The following UNC5C variants were observed in gnomAD, a reference collection of about 807,000 sequenced individuals.
UNC5C encodes netrin receptor UNC5C.
Under a neutral mutation model 99.8 loss-of-function variants are expected in UNC5C, and 47 were observed. The ratio of observed to expected loss-of-function variants is 0.47; its 90% CI spans 0.37 to 0.60. UNC5C has a LOEUF of 0.60. Among genes scored for constraint, UNC5C ranks in the 20% least tolerant of loss-of-function variants. The pLI is 0.00. For missense variants in UNC5C, 1,062 were observed against 1,165.9 expected (o/e 0.91, Z 1.30); for synonymous variants, 487 against 452.2 (o/e 1.08, Z -0.98).
At chr4:95,384,897 G>A (rs1025669979) in intron 1 of UNC5C, among the ~76,000 whole-genome samples, 3 of 152,128 alleles carry the variant, frequency 2.0e-5, no homozygotes, top group African/African-American at 7.2e-5. Context: ...TACTAGAGGG[G>A]AGGGACAAGT....
At chr4:95,357,958 T>C (rs1744267768) in intron 1 of UNC5C, among the ~76,000 whole-genome samples, 1 of 152,170 alleles carries the variant, frequency 6.6e-6, no homozygotes, top group African/African-American at 2.4e-5. Context: ...GTGTCTTGAC[T>C]ACTGCTTTTT....
intron 1 of UNC5C, among the ~76,000 whole-genome samples, chr4:95,368,543 T>C (rs942386929): frequency 2.6e-5 from 4 of 152,136 alleles, no homozygotes; most frequent in Non-Finnish European, 5.9e-5. Context: ...CATTAAACCC[T>C]GTGACTTTTT....
intron 1 of UNC5C, among the ~76,000 whole-genome samples, chr4:95,440,002 T>G (rs3912477): frequency 6.6e-6 from 1 of 152,244 alleles, no homozygotes; most frequent in East Asian, 1.9e-4. Flanking sequence ...TTTTCCCTTA[T>G]GCACTAGGAG....
At chr4:95,506,138 A>G (rs1416249507) in intron 1 of UNC5C, among the ~76,000 whole-genome samples, 1 of 152,032 alleles carries the variant, frequency 6.6e-6, no homozygotes, top group African/African-American at 2.4e-5. Context: ...AGGTGGGGCC[A>G]TTTATTTTTA....
chr4:95,168,443 A>T lies in UNC5C; in HGVS notation c.*791T>A, dbSNP rs1299694724. The stretch of plus-strand genomic sequence containing the variant: ...CCTGTAAATAATAATAATACCTTTA[A>T]AAAAAAACACTTCATATTGCATATT... On this transcript the variant is annotated 3_prime_UTR_variant, in exon 16 of 16. Coordinates refer to ENST00000453304, the MANE Select transcript of UNC5C (RefSeq NM_003728.4). 1 of 150,372 alleles carries T rather than the reference A, an allele frequency of 6.7e-6. No homozygotes were observed. Among genetic ancestry groups the T allele is most frequent in the African/African-American group, 2.5e-5 (1 of 40,186 alleles). The allele number at this position is 150,372 out of a possible 1,614,324, so 9.3% of individuals were successfully genotyped here.
At chr4:95,204,990 G>A (rs1388897890) in intron 11 of UNC5C, among the ~76,000 whole-genome samples, 3 of 95,526 alleles carry the variant, frequency 3.1e-5, no homozygotes, top group African/African-American at 1.3e-4. Flanking sequence ...AGAACCTCCA[G>A]GTTTATTCCA....
At chr4:95,206,161 C>T (rs143744063) in intron 11 of UNC5C, among the ~76,000 whole-genome samples, 2,321 of 151,866 alleles carry the variant, frequency 0.015, 25 homozygotes, top group South Asian at 0.059. Context: ...CCACTGCGCC[C>T]GGCTAATTTT....
At position 95,324,851 on chromosome 4, in the gene UNC5C, C is replaced by T. The variant is rs6857966; in HGVS notation, c.346+10559G>A. ...TCTGCTGGATCTTGGATTTCCCAGCCTCCAAATCTCTGAGACATAAATTTC... is the reference window on the plus strand; with the variant it reads ...TCTGCTGGATCTTGGATTTCCCAGCTTCCAAATCTCTGAGACATAAATTTC... On this transcript the variant is annotated intron_variant, in intron 2 of 15. Transcript: ENST00000453304. 6.9e-3 allele frequency among the ~76,000 whole-genome samples: 1,049 copies of T among 152,302 alleles called. 5 individuals are homozygous for T. The highest frequency in any genetic ancestry group is 0.01 in the Non-Finnish European group (714 of 68,020).
At chr4:95,267,730 A>T (rs1740498265) in intron 4 of UNC5C, among the ~76,000 whole-genome samples, 1 of 152,112 alleles carries the variant, frequency 6.6e-6, no homozygotes, top group African/African-American at 2.4e-5. Context: ...AAATAATTGG[A>T]CTATAACCCC....
chr4:95,470,455 T>C (rs1049646985), intron 1 of UNC5C, among the ~76,000 whole-genome samples: 1 of 152,034 alleles, frequency 6.6e-6, no homozygotes, highest in Non-Finnish European at 1.5e-5. Flanking sequence ...ACCATGAGTA[T>C]ACAACATCTG....
At chr4:95,447,798 C>A (rs1265518346) in intron 1 of UNC5C, among the ~76,000 whole-genome samples, 1 of 152,244 alleles carries the variant, frequency 6.6e-6, no homozygotes, top group African/African-American at 2.4e-5. Context: ...CTGCGCCCAG[C>A]CTGTGCCTAA....
intron 14 of UNC5C, among the ~76,000 whole-genome samples, chr4:95,180,550 T>C (rs1321877060): frequency 6.6e-6 from 1 of 152,262 alleles, no homozygotes; most frequent in East Asian, 1.9e-4. Flanking sequence ...TTAAAGCCTT[T>C]GTCTCTAGTT....
At chr4:95,422,096 A>G (rs553943391) in intron 1 of UNC5C, among the ~76,000 whole-genome samples, 57 of 152,350 alleles carry the variant, frequency 3.7e-4, no homozygotes, top group South Asian at 3.3e-3. Context: ...CTCACTGACG[A>G]CAACAAGCTG....
At position 95,324,229 on chromosome 4, in the gene UNC5C, G is replaced by A. The variant is rs181572304; in HGVS notation, c.346+11181C>T. Among the ~76,000 whole-genome samples, 299 of 152,192 alleles carry A rather than the reference G, an allele frequency of 2.0e-3. 2 individuals carry two copies. The highest frequency in any genetic ancestry group is 6.8e-3 in the African/African-American group (284 of 41,536). ...TCTGCCTCCTGTCAGATCAGCAGCA[G>A]CATTAGATTCTCATAGGAGCACAAA... On this transcript the variant is annotated intron_variant, in intron 2 of 15. Transcript: ENST00000453304.
chr4:95,293,238 G>A (rs891563093), intron 3 of UNC5C, among the ~76,000 whole-genome samples: 3 of 146,092 alleles, frequency 2.1e-5, no homozygotes, highest in Admixed American at 6.9e-5. Context: ...AAAGCAATAA[G>A]AAGAGAGGCA....
chr4:95,256,086 T>G (rs927089911), intron 4 of UNC5C, among the ~76,000 whole-genome samples: 4 of 152,158 alleles, frequency 2.6e-5, no homozygotes, highest in African/African-American at 9.7e-5. Flanking sequence ...GGTTTTGTCC[T>G]ACATTGCTTC....
rs112344211 is a variant in UNC5C at position 95,411,867 on chromosome 4, G to A, written c.125-76236C>T. ...TCTCCTGCCTGTATCCACTGCTACT[G>A]TCTTCGTTAAGGACCTTCTCATTTC... On this transcript the variant is annotated intron_variant, in intron 1 of 15. Transcript: ENST00000453304. 1.9e-3 allele frequency among the ~76,000 whole-genome samples: 282 copies of A among 152,114 alleles called. 1 individual carries two copies. Among genetic ancestry groups the A allele is most frequent in the African/African-American group, 6.5e-3 (270 of 41,490 alleles).
chr4:95,355,116 C>A (rs1197766492), intron 1 of UNC5C, among the ~76,000 whole-genome samples: 1 of 151,954 alleles, frequency 6.6e-6, no homozygotes, highest in East Asian at 1.9e-4. Context: ...TTCCACAGAC[C>A]TAGTTTTAAA....
chr4:95,188,053 A>C (rs1158103258), intron 12 of UNC5C, among the ~76,000 whole-genome samples: 1 of 152,326 alleles, frequency 6.6e-6, no homozygotes, highest in African/African-American at 2.4e-5. Flanking sequence ...AATATACATA[A>C]AATTTAAAAA....
Sources: allele counts gnomAD v4.1 joint callset (sites outside exome capture counted in the v4.1 genomes callset), GRCh38; gene constraint gnomAD v4.1.1; transcripts MANE v1.5; gene names NCBI Gene and HGNC (gene_info 2026-07-23, HGNC 2026-07-21).